Variants in TBL1XR1 observed in about 807,000 individuals in gnomAD.
TBL1XR1 encodes TBL1X/Y related 1.
Under a neutral mutation model 66.9 loss-of-function variants are expected in TBL1XR1, and 5 were observed. The observed-to-expected ratio is 0.07, with a 90% CI of 0.04 to 0.16. TBL1XR1 has a LOEUF of 0.16. TBL1XR1 is among the 10% of genes least tolerant of loss of function. TBL1XR1 has a pLI of 1.00. For synonymous variants in TBL1XR1, 210 were observed against 206.0 expected (o/e 1.02, Z -0.17); for missense variants, 238 against 623.2 (o/e 0.38, Z 6.58).
rs544971586 is a variant in TBL1XR1, at chr3:177,177,574, T to C, written c.-122+19547A>G. On this transcript the variant is annotated intron_variant, in intron 1 of 15. Coordinates refer to ENST00000457928, the MANE Select transcript of TBL1XR1 (RefSeq NM_024665.7). ...CGTTTTTTCTATTATTTGACTCGATTGCCATCTTTAAGTATGGCACTCACA... is the reference window on the plus strand; with the variant it reads ...CGTTTTTTCTATTATTTGACTCGATCGCCATCTTTAAGTATGGCACTCACA... Among the ~76,000 whole-genome samples, 18 of 152,370 alleles carry C rather than the reference T, an allele frequency of 1.2e-4. No individual in the cohort carries two copies. The South Asian group carries it at 3.7e-3, about 32-fold the overall frequency.
chr3:177,058,518 T>C (rs1428844440), intron 3 of TBL1XR1, among the ~76,000 whole-genome samples: 1 of 152,240 alleles, frequency 6.6e-6, no homozygotes, highest in Non-Finnish European at 1.5e-5. Context: ...ATTCACGCCA[T>C]AGCTGGACCT....
intron 4 of TBL1XR1, among the ~76,000 whole-genome samples, chr3:177,053,293 C>G (rs1379348126): frequency 6.6e-6 from 1 of 152,120 alleles, no homozygotes; most frequent in African/African-American, 2.4e-5. Context: ...ATGTTCCAAT[C>G]AAACTTTATT....
intron 1 of TBL1XR1, among the ~76,000 whole-genome samples, chr3:177,175,444 A>G (rs1734041068): frequency 6.6e-6 from 1 of 152,226 alleles, no homozygotes. Flanking sequence ...TCAGATATCT[A>G]AAAAATATTT....
At chr3:177,058,513 C>T (rs1039015810) in intron 3 of TBL1XR1, among the ~76,000 whole-genome samples, 49 of 152,254 alleles carry the variant, frequency 3.2e-4, no homozygotes, top group Non-Finnish European at 6.0e-4. Flanking sequence ...AAATTATTCA[C>T]GCCATAGCTG....
At position 177,066,136 on chromosome 3, in the gene TBL1XR1, T is replaced by C. The variant is rs2108543959; in HGVS notation, c.-45-1114A>G. On this transcript the variant is annotated intron_variant, in intron 2 of 15. Transcript: ENST00000457928. The stretch of plus-strand genomic sequence containing the variant: ...GTTGTCCTGCCACATCATGGATTTC[T>C]TTATGATACAGTTAGCAGATTTTTT... Among the ~76,000 whole-genome samples, 2 of 152,284 alleles carry C rather than the reference T, an allele frequency of 1.3e-5. 1 individual carries two copies. The highest frequency in any genetic ancestry group is 3.9e-4 in the East Asian group (2 of 5,184).
chr3:177,040,031 G>A (rs1715360077), intron 10 of TBL1XR1, among the ~76,000 whole-genome samples: 2 of 152,206 alleles, frequency 1.3e-5, no homozygotes, highest in Non-Finnish European at 2.9e-5. Context: ...GGGAAAAACA[G>A]GAGAGTTAAA....
chr3:177,087,750 A>G (rs1192380731), intron 2 of TBL1XR1, among the ~76,000 whole-genome samples: 3 of 152,080 alleles, frequency 2.0e-5, no homozygotes, highest in African/African-American at 7.2e-5. Flanking sequence ...GAATGAAAGG[A>G]AAAAAGAATG....
Position 177,020,350 on chromosome 3 carries a change from T to C in TBL1XR1, c.*5148A>G, listed in dbSNP as rs1185506127. On this transcript the variant is annotated 3_prime_UTR_variant, in exon 16 of 16. Transcript: ENST00000457928. The stretch of plus-strand genomic sequence containing the variant: ...TAAAAATTACAATCCCTTAGCTGAT[T>C]AGATGCTCTATTATACTTTAATAAA... 1 of 152,210 alleles carries C rather than the reference T, an allele frequency of 6.6e-6. No homozygotes were observed. Among genetic ancestry groups the C allele is most frequent in the Admixed American group, 6.5e-5 (1 of 15,280 alleles). 9.4% of individuals were successfully genotyped at this position (152,210 alleles called of 1,614,324 possible). A position where few individuals can be genotyped will look rare whatever the true frequency, so the allele number is the denominator to read the frequency against.
chr3:177,101,799 A>G (rs1724252160), intron 1 of TBL1XR1, among the ~76,000 whole-genome samples: 1 of 152,232 alleles, frequency 6.6e-6, no homozygotes. Flanking sequence ...AAATAATAGC[A>G]ATTCCAGGAA....
chr3:177,126,887 T>C (rs534269243), intron 1 of TBL1XR1, among the ~76,000 whole-genome samples: 1 of 151,722 alleles, frequency 6.6e-6, no homozygotes, highest in South Asian at 2.1e-4. Context: ...CAAGTGACTG[T>C]ACATAATGTA....
At chr3:177,153,136 AAAAT>A (rs1398127331) in intron 1 of TBL1XR1, among the ~76,000 whole-genome samples, 3 of 151,670 alleles carry the variant, frequency 2.0e-5, no homozygotes, top group Non-Finnish European at 2.9e-5. Context: ...TAGTGTCTCA[AAAAT>A]AAAATAAAAT....
chr3:177,061,871 C>T (rs1577056072), intron 3 of TBL1XR1, among the ~76,000 whole-genome samples: 1 of 152,066 alleles, frequency 6.6e-6, no homozygotes, highest in African/African-American at 2.4e-5. Flanking sequence ...GGACCTATTG[C>T]AAAAGTAGCC....
intron 1 of TBL1XR1, among the ~76,000 whole-genome samples, chr3:177,126,842 G>C (rs918074878): frequency 6.7e-6 from 1 of 148,682 alleles, no homozygotes; most frequent in Admixed American, 6.7e-5. Context: ...CACAAGTCAA[G>C]CTTTTACAGA....
intron 1 of TBL1XR1, among the ~76,000 whole-genome samples, chr3:177,112,513 G>A (rs775812766): frequency 9.2e-5 from 14 of 152,134 alleles, no homozygotes; most frequent in African/African-American, 1.7e-4. Context: ...GATTGAGATC[G>A]GAAATGGTTA....
intron 1 of TBL1XR1, among the ~76,000 whole-genome samples, chr3:177,160,037 G>C (rs1411213656): frequency 6.6e-6 from 1 of 152,112 alleles, no homozygotes; most frequent in African/African-American, 2.4e-5. Flanking sequence ...ATGTAACCCT[G>C]AGCACATTAC....
chr3:177,069,601 T>C (rs983521001), intron 2 of TBL1XR1, among the ~76,000 whole-genome samples: 1 of 151,788 alleles, frequency 6.6e-6, no homozygotes, highest in Admixed American at 6.6e-5. Context: ...TACCCAGGCA[T>C]GGTGGCGCAG....
chr3:177,070,161 G>A (rs1029086313), intron 2 of TBL1XR1, among the ~76,000 whole-genome samples: 3 of 121,550 alleles, frequency 2.5e-5, no homozygotes, highest in Non-Finnish European at 5.3e-5. Flanking sequence ...ATTATATGAT[G>A]AGTCACTTTG....
At chr3:177,062,302 C>T (rs1246880828) in intron 3 of TBL1XR1, among the ~76,000 whole-genome samples, 1 of 152,214 alleles carries the variant, frequency 6.6e-6, no homozygotes, top group Non-Finnish European at 1.5e-5. Flanking sequence ...ATGCTAAATG[C>T]TTGCCAATTG....
At chr3:177,129,743 CA>C (rs575475255) in intron 1 of TBL1XR1, among the ~76,000 whole-genome samples, 224 of 152,174 alleles carry the variant, frequency 1.5e-3, no homozygotes, top group African/African-American at 5.1e-3. Context: ...ACCAGTTTGG[CA>C]AAGATAAGAA....
Sources: gnomAD v4.1 joint callset for allele counts (sites outside exome capture counted in the v4.1 genomes callset) on GRCh38, gnomAD v4.1.1 for gene constraint, MANE v1.5 for transcripts, NCBI Gene and HGNC (gene_info 2026-07-23, HGNC 2026-07-21) for gene names.